The following ABCC9 variants were observed in gnomAD, a reference collection of about 807,000 sequenced individuals.
ABCC9 encodes the protein ATP binding cassette subfamily C member 9, also known as ATP-binding cassette sub-family C member 9.
ABCC9 carries 95 observed loss-of-function variants against 188.3 expected under a neutral mutation model. The observed-to-expected ratio is 0.50, with a 90% CI of 0.43 to 0.60. The LOEUF (loss-of-function observed/expected upper bound fraction) is 0.60, where lower values mean the gene tolerates loss of function less well. Ranked by LOEUF, ABCC9 falls within the 20% of genes least tolerant of loss-of-function variation. The probability of loss-of-function intolerance (pLI) is 0.00; values close to 1 mark genes in which losing one functional copy is unlikely to be tolerated. For missense variants in ABCC9, 1,102 were observed against 1,876.3 expected, an observed-to-expected ratio of 0.59 and a Z score of 7.62; for synonymous variants, 659 against 652.7, an observed-to-expected ratio of 1.01 and a Z score of -0.15.
chr12:21,844,722 T>C, intron 27 of ABCC9, 45 bp downstream of exon 27: 3 of 1,609,412 alleles, frequency 1.9e-6, no homozygotes, highest in Non-Finnish European at 2.6e-6. Context: ...AAATGCATAT[T>C]TTTATTATTT....
In ABCC9 at chr12:21,894,090, C is replaced by T; in HGVS notation, c.1744G>A (p.Val582Ile). 6.2e-7 allele frequency: 1 copy of T among 1,613,940 alleles called. No homozygotes were observed. Among genetic ancestry groups the T allele is most frequent in the Non-Finnish European group, 8.5e-7 (1 of 1,179,984 alleles). The change falls in exon 14 of 40, where the codon GTC becomes ATC. Residue 582 changes from valine (V) to isoleucine (I), a missense_variant. This residue lies in a region of ABCC9 where 258 missense variants were observed against 325.6 expected (regional missense o/e 0.79). Coordinates refer to ENST00000261200, the MANE Select transcript of ABCC9 (RefSeq NM_020297.4). ...GTGGAGAGCAGGAACAGTGGTGTGACCAGGATATGGAAGAGAGACAGTGAA... is the reference window on the plus strand; with the variant it reads ...GTGGAGAGCAGGAACAGTGGTGTGATCAGGATATGGAAGAGAGACAGTGAA... The part of the protein sequence containing the change: ...FASLSLFHIL[V>I]TPLFLLSTVV...
rs1949024617 is a variant in ABCC9, at chr12:21,925,880, AC to A, written c.406+61del. 7 of 1,545,950 alleles carry A rather than the reference AC, an allele frequency of 4.5e-6. No individual in the cohort carries two copies. In the South Asian group the frequency reaches 6.8e-5, roughly 15 times the overall value. ...TTTACCCTGAGGAAAAAGAAAAATA[AC>A]CCTTTGGGGGGAAAAACAAATATCT... On this transcript the variant is annotated intron_variant, in intron 5 of 39. Coordinates refer to ENST00000261200, the MANE Select transcript of ABCC9 (RefSeq NM_020297.4).
chr12:21,854,549 T>C (rs1484380275), intron 22 of ABCC9, among the ~76,000 whole-genome samples: 1 of 152,206 alleles, frequency 6.6e-6, no homozygotes, highest in Non-Finnish European at 1.5e-5. Context: ...AAGGGAAATA[T>C]TTCAAATCTT....
At chr12:21,893,423 A>G (rs2033927425) in intron 14 of ABCC9, among the ~76,000 whole-genome samples, 1 of 152,236 alleles carries the variant, frequency 6.6e-6, no homozygotes, top group Admixed American at 6.5e-5. Context: ...TGTTGCCAAT[A>G]TAAACTGGCA....
chr12:21,852,191 C>T lies in ABCC9; in HGVS notation c.2675G>A (p.Arg892Lys). ...TTGAATGTCCTTCAAAGTTCCTTCT[C>T]TTAGGACACTTCCATCTTTCATGGC... is the stretch of plus-strand genomic sequence containing the variant. ...IIAMKDGSVL[R>K]EGTLKDIQTK... Residue 892 changes from arginine (R) to lysine (K), a missense_variant, in exon 24 of 40, where the codon AGA becomes AAA. Physicochemically the swap from Arg to Lys is conservative, Grantham distance 26 (BLOSUM62 2). This residue lies in a region of ABCC9 where 131 missense variants were observed against 170.2 expected (regional missense o/e 0.77). Coordinates refer to ENST00000261200, the MANE Select transcript of ABCC9 (RefSeq NM_020297.4). 1 of 1,613,756 alleles carries T rather than the reference C, an allele frequency of 6.2e-7. No homozygotes were observed. The highest frequency in any genetic ancestry group is 8.5e-7 in the Non-Finnish European group (1 of 1,179,866).
At chr12:21,855,606 A>G (rs1245296055) in intron 22 of ABCC9, among the ~76,000 whole-genome samples, 1 of 152,214 alleles carries the variant, frequency 6.6e-6, no homozygotes, top group Non-Finnish European at 1.5e-5. Flanking sequence ...AATTGTAGTT[A>G]TGACCACTCT....
At position 21,814,648 on chromosome 12, in the gene ABCC9, A is replaced by G. The variant is rs756560119; in HGVS notation, c.4098T>C (p.Phe1366=). Residue 1366 remains phenylalanine (F), a synonymous_variant, in exon 35 of 40, where the codon TTT becomes TTC. Transcript: ENST00000261200. The part of the protein sequence containing the change: ...SLAFFRMVDI[F]DGKIVIDGID... Reference sequence around the variant, plus strand: ...AAAATTTAGTTAGCAACTCACCATCAAATATATCAACCATTCTGAAGAAAG... The same window carrying G: ...AAAATTTAGTTAGCAACTCACCATCGAATATATCAACCATTCTGAAGAAAG... 6.2e-7 allele frequency: 1 copy of G among 1,613,920 alleles called. No individual in the cohort carries two copies. Among genetic ancestry groups the G allele is most frequent in the South Asian group, 1.1e-5 (1 of 91,080 alleles).
intron 12 of ABCC9, among the ~76,000 whole-genome samples, chr12:21,896,869 T>G (rs1306345866): frequency 6.6e-6 from 1 of 152,244 alleles, no homozygotes; most frequent in Non-Finnish European, 1.5e-5. Context: ...TGAATAGTGC[T>G]GCAATAAACA....
chr12:21,931,598 A>G (rs543410873), intron 4 of ABCC9, among the ~76,000 whole-genome samples: 2 of 152,216 alleles, frequency 1.3e-5, no homozygotes, highest in Non-Finnish European at 2.9e-5. Flanking sequence ...TGTGAGTTCA[A>G]TCTGTGTTTT....
At chr12:21,881,316 C>T (rs988147437) in intron 16 of ABCC9, among the ~76,000 whole-genome samples, 3 of 151,908 alleles carry the variant, frequency 2.0e-5, no homozygotes, top group Non-Finnish European at 2.9e-5. Context: ...GAGCTTTCAC[C>T]GTAAATAAAA....
At chr12:21,844,976 G>C in intron 26 of ABCC9, 61 bp from the exon 27 acceptor site, 1 of 1,576,864 alleles carries the variant, frequency 6.3e-7, no homozygotes, top group South Asian at 1.1e-5. Context: ...TTTCTTACTA[G>C]AAAACCAAAT....
At chr12:21,938,417 A>C (rs571123587) in intron 2 of ABCC9, among the ~76,000 whole-genome samples, 1 of 152,308 alleles carries the variant, frequency 6.6e-6, no homozygotes, top group South Asian at 2.1e-4. Flanking sequence ...AGGGACTTGA[A>C]GTTTTTAAAA....
chr12:21,871,413 A>C (rs553798576), intron 18 of ABCC9, among the ~76,000 whole-genome samples: 25 of 152,298 alleles, frequency 1.6e-4, no homozygotes, highest in African/African-American at 5.3e-4. Flanking sequence ...TACACTCAAC[A>C]ATTCTCAGTC....
chr12:21,836,252 A>C (rs139973412), intron 30 of ABCC9, among the ~76,000 whole-genome samples: 5 of 152,212 alleles, frequency 3.3e-5, no homozygotes, highest in African/African-American at 1.2e-4. Context: ...TTCCTGCTCA[A>C]AATTCTTCAG....
Position 21,915,514 on chromosome 12 carries a change from A to ATATAT in ABCC9, c.816+153_816+154insATATA. On this transcript the variant is annotated intron_variant, in intron 7 of 39. Transcript: ENST00000261200. ...TGTGTGTGTGTGTATATATATATAT[A>ATATAT]TTTTTTTTTTTTTTTTGAGACAGAG... 5.7e-4 allele frequency among the ~76,000 whole-genome samples: 2 copies of ATATAT among 3,520 alleles called. 1 individual carries two copies. The highest frequency in any genetic ancestry group is 2.2e-3 in the African/African-American group (2 of 922). The allele number at this position is 3,520 out of a possible 152,430, so 2.3% of individuals were successfully genotyped here.
intron 25 of ABCC9, among the ~76,000 whole-genome samples, chr12:21,846,972 GACTCA>G (rs1944701862): frequency 6.6e-6 from 1 of 151,856 alleles, no homozygotes; most frequent in Admixed American, 6.6e-5. Flanking sequence ...AGTCTCTTAA[GACTCA>G]ACTCCTTTCT....
intron 4 of ABCC9, among the ~76,000 whole-genome samples, chr12:21,933,228 G>T (rs4762722): frequency 0.37 from 56,281 of 150,768 alleles, 10,696 homozygotes; most frequent in Admixed American, 0.4. Context: ...TTTTCAGAGG[G>T]TGGAGGGTAG....
At chr12:21,829,098 G>T in intron 30 of ABCC9, 38 bp from the exon 31 acceptor site, 1 of 1,453,142 alleles carries the variant, frequency 6.9e-7, no homozygotes, top group South Asian at 1.1e-5. Context: ...CCACACAACA[G>T]GAGAGGTAAT....
At chr12:21,864,400 GTTATTC>G (rs778530327) in intron 19 of ABCC9, 33 bp downstream of exon 19, 6 of 1,404,584 alleles carry the variant, frequency 4.3e-6, no homozygotes, top group South Asian at 3.5e-5. Context: ...GAGGAAGGAA[GTTATTC>G]TTATTAAACT....
Sources: gnomAD v4.1 joint callset for allele counts (sites outside exome capture counted in the v4.1 genomes callset) on GRCh38, gnomAD v4.1.1 for gene constraint, gnomAD v4.1.1 regional missense constraint, MANE v1.5 for transcripts, NCBI Gene and HGNC (gene_info 2026-07-23, HGNC 2026-07-21) for gene names.